CDH18: variants seen among roughly 807,000 people sequenced by gnomAD.
The protein encoded by CDH18 is cadherin-18.
CDH18 carries 31 observed loss-of-function variants against 67.9 expected under a neutral mutation model. The observed-to-expected ratio is 0.46, with a 90% confidence interval of 0.34 to 0.62. The LOEUF is 0.62. Among genes scored for constraint, CDH18 ranks in the 20% least tolerant of loss-of-function variants. CDH18 has a pLI of 0.01. For synonymous variants in CDH18, 362 were observed against 347.2 expected, an observed-to-expected ratio of 1.04 and a Z score of -0.48; for missense variants, 890 against 975.5, an observed-to-expected ratio of 0.91 and a Z score of 1.17.
chr5:19,878,225 GAGAC>G (rs1207820532), intron 2 of CDH18: 1 of 151,986 alleles, frequency 6.6e-6, no homozygotes, highest in Non-Finnish European at 1.5e-5. Flanking sequence ...ATTTTTGAGA[GAGAC>G]AGCCAGATGT....
At chr5:20,116,310 GA>G (rs1053270869) in intron 2 of CDH18, among the ~76,000 whole-genome samples, 4 of 151,936 alleles carry the variant, frequency 2.6e-5, no homozygotes, top group African/African-American at 9.7e-5. Flanking sequence ...AGGAGTTTGA[GA>G]TCAGGCTGGC....
chr5:19,857,202 C>A (rs2149958709), intron 2 of CDH18, among the ~76,000 whole-genome samples: 1 of 151,716 alleles, frequency 6.6e-6, no homozygotes, highest in East Asian at 1.9e-4. Context: ...TGCACTCCAG[C>A]TTGGGCATCA....
chr5:19,494,024 AAAG>A (rs1159820877), intron 11 of CDH18, among the ~76,000 whole-genome samples: 8 of 152,260 alleles, frequency 5.3e-5, no homozygotes, highest in East Asian at 1.9e-4. Context: ...AATATCACTA[AAAG>A]AAGATCAACT....
At chr5:20,010,281 C>G (rs1445126398) in intron 2 of CDH18, among the ~76,000 whole-genome samples, 1 of 151,854 alleles carries the variant, frequency 6.6e-6, no homozygotes, top group African/African-American at 2.4e-5. Context: ...CTCCCCTAAG[C>G]TGGAGTGCAG....
chr5:20,512,042 G>A (rs1755068410), intron 1 of CDH18, among the ~76,000 whole-genome samples: 1 of 152,020 alleles, frequency 6.6e-6, no homozygotes, highest in Non-Finnish European at 1.5e-5. Flanking sequence ...CCAACATAGT[G>A]AAACCCCATC....
At chr5:20,550,340 T>C (rs1757564550) in intron 1 of CDH18, among the ~76,000 whole-genome samples, 1 of 152,142 alleles carries the variant, frequency 6.6e-6, no homozygotes, top group Admixed American at 6.5e-5. Context: ...AATTTAGAAA[T>C]AGAGTTGTGA....
intron 2 of CDH18, among the ~76,000 whole-genome samples, chr5:20,062,866 T>A (rs564672589): frequency 2.0e-5 from 3 of 152,268 alleles, no homozygotes; most frequent in East Asian, 3.9e-4. Context: ...CAGAAGGAAA[T>A]GCACAAGCAA....
intron 3 of CDH18, among the ~76,000 whole-genome samples, chr5:19,827,755 T>C (rs749120655): frequency 6.6e-6 from 1 of 151,982 alleles, no homozygotes; most frequent in Non-Finnish European, 1.5e-5. Context: ...AAGAGAGAAG[T>C]TTACAGTACT....
intron 1 of CDH18, among the ~76,000 whole-genome samples, chr5:20,310,596 G>C (rs572466854): frequency 2.5e-4 from 38 of 152,284 alleles, no homozygotes; most frequent in African/African-American, 8.9e-4. Context: ...GTCTAAAAGT[G>C]AGATGAGTTC....
chr5:19,491,587 C>G (rs775825680), intron 11 of CDH18, among the ~76,000 whole-genome samples: 1 of 152,128 alleles, frequency 6.6e-6, no homozygotes, highest in African/African-American at 2.4e-5. Flanking sequence ...TTTGAAAAGA[C>G]TCCAAAAGAC....
intron 2 of CDH18, among the ~76,000 whole-genome samples, chr5:20,208,196 T>A (rs1740065494): frequency 6.6e-6 from 1 of 152,108 alleles, no homozygotes; most frequent in Non-Finnish European, 1.5e-5. Context: ...CAGGCATGTC[T>A]TACATGGCAA....
At chr5:20,353,120 T>C (rs546562578) in intron 1 of CDH18, among the ~76,000 whole-genome samples, 13 of 152,334 alleles carry the variant, frequency 8.5e-5, no homozygotes, top group East Asian at 5.8e-4. Flanking sequence ...CTCATGGTGG[T>C]GTATGCCTCC....
At chr5:19,857,416 T>G (rs957527565) in intron 2 of CDH18, among the ~76,000 whole-genome samples, 2 of 152,160 alleles carry the variant, frequency 1.3e-5, no homozygotes, top group Non-Finnish European at 2.9e-5. Flanking sequence ...TTCTTCAGTA[T>G]AAATGATGAT....
At chr5:20,552,955 A>G (rs1757718630) in intron 1 of CDH18, among the ~76,000 whole-genome samples, 1 of 152,072 alleles carries the variant, frequency 6.6e-6, no homozygotes, top group Non-Finnish European at 1.5e-5. Flanking sequence ...GGGTTTCACC[A>G]TGTTGGCCAG....
At chr5:20,192,519 A>G (rs571234887) in intron 2 of CDH18, among the ~76,000 whole-genome samples, 1 of 152,138 alleles carries the variant, frequency 6.6e-6, no homozygotes, top group Admixed American at 6.5e-5. Context: ...TCTTTACTTA[A>G]TTTTTGAATA....
chr5:19,719,511 C>G (rs1464995010), intron 5 of CDH18, among the ~76,000 whole-genome samples: 1 of 151,756 alleles, frequency 6.6e-6, no homozygotes, highest in Non-Finnish European at 1.5e-5. Context: ...GAATGGCGAG[C>G]TTTTCAACTA....
Position 19,886,981 on chromosome 5 carries a change from T to G in CDH18, c.-256-47739A>C, listed in dbSNP as rs146409046. Among the ~76,000 whole-genome samples, 3 of 152,198 alleles carry G rather than the reference T, an allele frequency of 2.0e-5. No individual in the cohort carries two copies. The East Asian group carries it at 5.8e-4, about 29-fold the overall frequency. ...CATATGACAAATTACCAATATTTATTTATGCATACTGTTATTGATGTATAT... is the reference window on the plus strand; with the variant it reads ...CATATGACAAATTACCAATATTTATGTATGCATACTGTTATTGATGTATAT... On this transcript the variant is annotated intron_variant, in intron 2 of 12. Transcript: ENST00000382275.
At chr5:20,180,333 T>A (rs1275052681) in intron 2 of CDH18, among the ~76,000 whole-genome samples, 3 of 152,172 alleles carry the variant, frequency 2.0e-5, no homozygotes, top group African/African-American at 7.2e-5. Context: ...TAAGGCATAC[T>A]CCCTTCTGAG....
At chr5:20,062,619 T>G (rs1742599892) in intron 2 of CDH18, among the ~76,000 whole-genome samples, 2 of 152,152 alleles carry the variant, frequency 1.3e-5, no homozygotes, top group South Asian at 4.1e-4. Context: ...TATAAGCTAA[T>G]GGAGATGGCA....
Sources: allele counts gnomAD v4.1 joint callset (sites outside exome capture counted in the v4.1 genomes callset), GRCh38; gene constraint gnomAD v4.1.1; transcripts MANE v1.5; gene names NCBI Gene and HGNC (gene_info 2026-07-23, HGNC 2026-07-21).